Variants in VTI1A observed in about 807,000 individuals in gnomAD.
The protein encoded by VTI1A is vesicle transport through interaction with t-SNAREs 1A, also known as vesicle transport through interaction with t-SNAREs homolog 1A.
In VTI1A, 22 loss-of-function variants were observed where a neutral mutation model predicts 34.9. The observed-to-expected ratio is 0.63, with a 90% CI of 0.45 to 0.90. VTI1A has a LOEUF of 0.90. Ranked by LOEUF, VTI1A falls within the 40% of genes least tolerant of loss-of-function variation. The pLI, the probability that VTI1A is intolerant of heterozygous loss-of-function variation, is 0.00. For synonymous variants in VTI1A, 87 were observed against 97.3 expected (o/e 0.89, Z 0.62); for missense variants, 268 against 275.6 (o/e 0.97, Z 0.20).
chr10:112,625,663 AC>A (rs1284162859), intron 5 of VTI1A, among the ~76,000 whole-genome samples: 1 of 149,472 alleles, frequency 6.7e-6, no homozygotes, highest in Non-Finnish European at 1.5e-5. Flanking sequence ...GGAAAACCAA[AC>A]ATCATATCTT....
At chr10:112,640,467 G>T (rs1478913922) in intron 5 of VTI1A, among the ~76,000 whole-genome samples, 1 of 152,022 alleles carries the variant, frequency 6.6e-6, no homozygotes, top group South Asian at 2.1e-4. Context: ...GAGGAAGAGT[G>T]GACCAGCTCA....
chr10:112,498,051 A>T (rs1849090403), intron 3 of VTI1A, among the ~76,000 whole-genome samples: 2 of 152,180 alleles, frequency 1.3e-5, no homozygotes, highest in African/African-American at 4.8e-5. Context: ...TTTCATTATG[A>T]TTCAGAATAT....
At chr10:112,683,327 G>T (rs756233677) in intron 7 of VTI1A, among the ~76,000 whole-genome samples, 11 of 152,148 alleles carry the variant, frequency 7.2e-5, no homozygotes, top group Non-Finnish European at 1.6e-4. Flanking sequence ...ATAGTGCTTG[G>T]CCTGAGTTAG....
At chr10:112,717,668 G>A (rs556687177) in intron 7 of VTI1A, among the ~76,000 whole-genome samples, 2 of 152,146 alleles carry the variant, frequency 1.3e-5, no homozygotes, top group Non-Finnish European at 2.9e-5. Context: ...AGAGGCAGAA[G>A]CTGTGTGGCT....
At chr10:112,747,288 A>G (rs1850930530) in intron 7 of VTI1A, among the ~76,000 whole-genome samples, 1 of 152,218 alleles carries the variant, frequency 6.6e-6, no homozygotes, top group Non-Finnish European at 1.5e-5. Flanking sequence ...ATTAGCATGC[A>G]TTGCTTGATG....
At chr10:112,776,065 G>A (rs1202514532) in intron 7 of VTI1A, among the ~76,000 whole-genome samples, 1 of 152,210 alleles carries the variant, frequency 6.6e-6, no homozygotes, top group Admixed American at 6.5e-5. Context: ...AGGCTGACTT[G>A]GTGCAGAGTC....
chr10:112,577,769 T>G (rs1215275242), intron 5 of VTI1A, among the ~76,000 whole-genome samples: 1 of 152,242 alleles, frequency 6.6e-6, no homozygotes, highest in East Asian at 1.9e-4. Flanking sequence ...TCAAAAATTG[T>G]ATTTTAAAAT....
rs1355615069 is a variant in VTI1A at position 112,816,269 on chromosome 10, G to A, written c.*886G>A. The A allele has an allele frequency of 4.7e-6, 1 of 214,962 alleles. No individual in the cohort carries two copies. Among genetic ancestry groups the A allele is most frequent in the African/African-American group, 2.3e-5 (1 of 44,326 alleles). The allele number at this position is 214,962 out of a possible 1,614,324, so 13.3% of individuals were successfully genotyped here. A position where few individuals can be genotyped will look rare whatever the true frequency, so the allele number is the denominator to read the frequency against. On this transcript the variant is annotated 3_prime_UTR_variant, in exon 8 of 8. Transcript: ENST00000393077. ...CAAGGTTCTCTCCACATACATTCCA[G>A]TATGTAAAGAGACCATGAATATTTC...
At chr10:112,597,270 T>A (rs1374536452) in intron 5 of VTI1A, among the ~76,000 whole-genome samples, 2 of 152,172 alleles carry the variant, frequency 1.3e-5, no homozygotes, top group African/African-American at 4.8e-5. Flanking sequence ...CAGGCTGGAG[T>A]GCAATGATGC....
chr10:112,646,808 G>A (rs1846809440), intron 5 of VTI1A, among the ~76,000 whole-genome samples: 1 of 152,080 alleles, frequency 6.6e-6, no homozygotes, highest in Admixed American at 6.5e-5. Flanking sequence ...ACCGCGCCCG[G>A]CTACCATGTT....
chr10:112,744,143 C>T (rs1328522834), intron 7 of VTI1A, among the ~76,000 whole-genome samples: 1 of 152,140 alleles, frequency 6.6e-6, no homozygotes, highest in Non-Finnish European at 1.5e-5. Context: ...TGTGGGTCAG[C>T]CTCATAGCAG....
At chr10:112,639,226 C>T (rs544604680) in intron 5 of VTI1A, among the ~76,000 whole-genome samples, 1 of 152,252 alleles carries the variant, frequency 6.6e-6, no homozygotes, top group African/African-American at 2.4e-5. Flanking sequence ...TTAAAGCTTT[C>T]TCTTTTTATT....
chr10:112,815,195 G>C, intron 7 of VTI1A, 95 bp from the exon 8 acceptor site: 32 of 257,340 alleles, frequency 1.2e-4, no homozygotes, highest in Admixed American at 1.7e-4. Context: ...CACCTGCAAA[G>C]CTGCCGTTTG....
intron 7 of VTI1A, among the ~76,000 whole-genome samples, chr10:112,786,468 C>A (rs1852291586): frequency 6.6e-6 from 1 of 152,130 alleles, no homozygotes; most frequent in Non-Finnish European, 1.5e-5. Flanking sequence ...CTAGAAGCTC[C>A]AATACAATTT....
chr10:112,801,962 T>C (rs149068850), intron 7 of VTI1A, among the ~76,000 whole-genome samples: 1 of 152,342 alleles, frequency 6.6e-6, no homozygotes, highest in East Asian at 1.9e-4. Context: ...ACAAATAAAC[T>C]TGCAGCTGGG....
intron 7 of VTI1A, among the ~76,000 whole-genome samples, chr10:112,727,822 C>G (rs1298928937): frequency 6.6e-6 from 1 of 151,878 alleles, no homozygotes; most frequent in Non-Finnish European, 1.5e-5. Context: ...TTCTCTTACC[C>G]CTTTATGTCA....
At chr10:112,739,050 G>A (rs1590136102) in intron 7 of VTI1A, among the ~76,000 whole-genome samples, 1 of 152,126 alleles carries the variant, frequency 6.6e-6, no homozygotes, top group Non-Finnish European at 1.5e-5. Context: ...GTGGAATGTT[G>A]CACAGCTGCA....
intron 3 of VTI1A, among the ~76,000 whole-genome samples, chr10:112,520,673 A>AT: frequency 6.7e-6 from 1 of 148,502 alleles, no homozygotes; most frequent in African/African-American, 2.5e-5. Context: ...ATATATATAT[A>AT]AAACCTCATG....
At chr10:112,630,204 C>T (rs1846077057) in intron 5 of VTI1A, among the ~76,000 whole-genome samples, 1 of 152,020 alleles carries the variant, frequency 6.6e-6, no homozygotes, top group African/African-American at 2.4e-5. Flanking sequence ...TATATTCTGC[C>T]CAACACTCCC....
Sources: allele counts gnomAD v4.1 joint callset (sites outside exome capture counted in the v4.1 genomes callset), GRCh38; gene constraint gnomAD v4.1.1; transcripts MANE v1.5; gene names NCBI Gene and HGNC (gene_info 2026-07-23, HGNC 2026-07-21).